IL1RAPL1: variants seen among roughly 807,000 people sequenced by gnomAD.
The protein encoded by IL1RAPL1 is interleukin-1 receptor accessory protein-like 1.
IL1RAPL1 carries 3 observed loss-of-function variants against 48.4 expected under a neutral mutation model. That is an observed-to-expected ratio of 0.06 (90% CI 0.03 to 0.16). The LOEUF (loss-of-function observed/expected upper bound fraction) is 0.16, where lower values mean the gene tolerates loss of function less well. IL1RAPL1 is among the 10% of genes least tolerant of loss of function. The probability of loss-of-function intolerance (pLI) is 1.00; values close to 1 mark genes in which losing one functional copy is unlikely to be tolerated. For missense variants in IL1RAPL1, 349 were observed against 530.6 expected (o/e 0.66, Z 3.36); for synonymous variants, 185 against 187.7 (o/e 0.99, Z 0.12).
intron 2 of IL1RAPL1, among the ~76,000 whole-genome samples, chrX:29,230,528 A>ACAAAAC (rs1931181984): frequency 3.0e-5 from 3 of 99,108 alleles, no homozygotes; most frequent in African/African-American, 1.1e-4. Flanking sequence ...AAAAAAAAAA[A>ACAAAAC]AAAAAAACCT....
intron 2 of IL1RAPL1, among the ~76,000 whole-genome samples, chrX:29,101,510 G>C (rs1311894735): frequency 9.0e-6 from 1 of 111,511 alleles, no homozygotes; most frequent in Admixed American, 9.6e-5. Context: ...TACGAGGCCA[G>C]TATTACCCTG....
At chrX:28,606,349 T>C (rs145392643) in intron 1 of IL1RAPL1, among the ~76,000 whole-genome samples, 4 of 112,329 alleles carry the variant, frequency 3.6e-5, no homozygotes, top group Non-Finnish European at 7.5e-5. Flanking sequence ...CATTATGAAG[T>C]GTCTCATGGC....
intron 5 of IL1RAPL1, among the ~76,000 whole-genome samples, chrX:29,557,249 A>C (rs1318649500): frequency 2.7e-5 from 3 of 111,904 alleles, no homozygotes; most frequent in Non-Finnish European, 5.6e-5. Context: ...TTAGGCGGTC[A>C]AGAATTTTAT....
At chrX:29,220,507 T>G (rs1311951430) in intron 2 of IL1RAPL1, among the ~76,000 whole-genome samples, 3 of 111,813 alleles carry the variant, frequency 2.7e-5, no homozygotes, top group African/African-American at 9.8e-5. Flanking sequence ...CTGTAAAACG[T>G]GGCTGTAGTG....
intron 2 of IL1RAPL1, among the ~76,000 whole-genome samples, chrX:29,101,990 C>T (rs1287115993): frequency 9.0e-6 from 1 of 111,313 alleles, no homozygotes; most frequent in Non-Finnish European, 1.9e-5. Context: ...GAATTTATCC[C>T]AGGGATGTGA....
intron 1 of IL1RAPL1, among the ~76,000 whole-genome samples, chrX:28,781,567 G>T (rs1347514212): frequency 1.8e-5 from 2 of 110,625 alleles, no homozygotes; most frequent in Non-Finnish European, 3.8e-5. Flanking sequence ...CTGATTAGTG[G>T]CCTTAATCAC....
At chrX:28,663,069 G>A (rs1934839120) in intron 1 of IL1RAPL1, among the ~76,000 whole-genome samples, 1 of 111,823 alleles carries the variant, frequency 8.9e-6, no homozygotes, top group African/African-American at 3.3e-5. Flanking sequence ...GGGAAAGAAC[G>A]AAGAAAAAAG....
intron 2 of IL1RAPL1, among the ~76,000 whole-genome samples, chrX:29,250,844 C>T (rs183503494): frequency 3.6e-5 from 4 of 111,524 alleles, no homozygotes; most frequent in Admixed American, 1.9e-4. Context: ...CAAAATTTCC[C>T]ATCAGACAAA....
chrX:28,768,786 C>CTA lies in IL1RAPL1; in HGVS notation c.-24-20525_-24-20524dup, dbSNP rs1157262673. Among the ~76,000 whole-genome samples the CTA allele has an allele frequency of 7.7e-5, 5 of 64,643 alleles. 1 individual carries two copies. The highest frequency in any genetic ancestry group is 1.1e-4 in the African/African-American group (2 of 18,066). 56.1% of individuals were successfully genotyped at this position (64,643 alleles called of 115,157 possible). ...ATATATATATATATATATACACACA[C>CTA]TATATATATACAGACATTATATATA... is the stretch of plus-strand genomic sequence containing the variant. On this transcript the variant is annotated intron_variant, in intron 1 of 10. Coordinates refer to ENST00000378993, the MANE Select transcript of IL1RAPL1 (RefSeq NM_014271.4).
intron 2 of IL1RAPL1, among the ~76,000 whole-genome samples, chrX:29,044,917 T>C (rs1157951402): frequency 8.9e-6 from 1 of 112,065 alleles, no homozygotes; most frequent in African/African-American, 3.2e-5. Flanking sequence ...GCCTGTAATG[T>C]ATTTGACATG....
chrX:29,561,048 G>A (rs57283733), intron 5 of IL1RAPL1, among the ~76,000 whole-genome samples: 13,544 of 111,267 alleles, frequency 0.12, 1,004 homozygotes, highest in African/African-American at 0.27. Context: ...GACATTCTAG[G>A]GGTCTCGCAG....
At chrX:29,509,687 G>GCACACA (rs34490752) in intron 5 of IL1RAPL1, among the ~76,000 whole-genome samples, 41 of 109,517 alleles carry the variant, frequency 3.7e-4, no homozygotes, top group Middle Eastern at 9.4e-3. Flanking sequence ...GCGCCCACAC[G>GCACACA]CACACACACA....
chrX:29,119,216 A>G (rs377506287), intron 2 of IL1RAPL1, among the ~76,000 whole-genome samples: 9 of 111,438 alleles, frequency 8.1e-5, no homozygotes, highest in African/African-American at 2.9e-4. Context: ...ATGTTTAAAT[A>G]ATAAAAGAAC....
chrX:28,819,141 T>C (rs1327590188), intron 2 of IL1RAPL1, among the ~76,000 whole-genome samples: 2 of 110,943 alleles, frequency 1.8e-5, no homozygotes, highest in Non-Finnish European at 3.8e-5. Context: ...ATGTTCATCA[T>C]CTTAAAACTA....
intron 6 of IL1RAPL1, among the ~76,000 whole-genome samples, chrX:29,890,581 T>C (rs1050983771): frequency 2.7e-5 from 3 of 112,420 alleles, no homozygotes; most frequent in African/African-American, 9.7e-5. Flanking sequence ...TTAATTATGC[T>C]AACAGCATTT....
intron 2 of IL1RAPL1, among the ~76,000 whole-genome samples, chrX:29,125,958 C>A (rs1176429746): frequency 1.9e-5 from 2 of 107,919 alleles, no homozygotes; most frequent in Non-Finnish European, 3.8e-5. Flanking sequence ...CACAACATAA[C>A]CTTTTACAAC....
chrX:28,708,036 G>A (rs1336553904), intron 1 of IL1RAPL1, among the ~76,000 whole-genome samples: 1 of 111,550 alleles, frequency 9.0e-6, no homozygotes, highest in Non-Finnish European at 1.9e-5. Flanking sequence ...ATAACAAGTA[G>A]TGTTCAGAGA....
At chrX:29,306,264 C>T (rs1932615766) in intron 3 of IL1RAPL1, among the ~76,000 whole-genome samples, 2 of 111,947 alleles carry the variant, frequency 1.8e-5, no homozygotes, top group Admixed American at 1.9e-4. Context: ...GGCGCGGTGG[C>T]TCACGCCTGT....
At chrX:29,013,210 A>AC (rs919136395) in intron 2 of IL1RAPL1, among the ~76,000 whole-genome samples, 5 of 110,441 alleles carry the variant, frequency 4.5e-5, no homozygotes, top group African/African-American at 1.7e-4. Flanking sequence ...AAAAAAAAAA[A>AC]AACAATAGAT....
Sources: allele counts gnomAD v4.1 joint callset (sites outside exome capture counted in the v4.1 genomes callset), GRCh38; gene constraint gnomAD v4.1.1; transcripts MANE v1.5; gene names NCBI Gene and HGNC (gene_info 2026-07-23, HGNC 2026-07-21).